Variants in UBE3C observed in about 807,000 individuals in gnomAD.
UBE3C encodes the protein ubiquitin protein ligase E3C.
Under a neutral mutation model 129.4 loss-of-function variants are expected in UBE3C, and 42 were observed. That is an observed-to-expected ratio of 0.32 (90% CI 0.25 to 0.42). The LOEUF (loss-of-function observed/expected upper bound fraction) is 0.42. Among genes scored for constraint, UBE3C ranks in the 10% least tolerant of loss-of-function variants. UBE3C has a pLI of 1.00. For synonymous variants in UBE3C, 510 were observed against 492.4 expected (o/e 1.04, Z -0.47); for missense variants, 1,049 against 1,319.1 (o/e 0.80, Z 3.17).
rs377535996 is a variant in UBE3C at position 157,244,726 on chromosome 7, A to C, written c.2482-3642A>C. On this transcript the variant is annotated intron_variant, in intron 18 of 22. Transcript: ENST00000348165. ...AATTGCGTCGCGACTGCACTCACTTATATTAAAAGGCTTCTACTATAATTA... is the reference window on the plus strand; with the variant it reads ...AATTGCGTCGCGACTGCACTCACTTCTATTAAAAGGCTTCTACTATAATTA... Among the ~76,000 whole-genome samples the C allele has an allele frequency of 4.2e-4, 64 of 152,356 alleles. No homozygotes were observed. The South Asian group carries it at 0.013, about 31-fold the overall frequency.
intron 4 of UBE3C, among the ~76,000 whole-genome samples, chr7:157,173,559 A>G (rs771784208): frequency 6.6e-6 from 1 of 152,214 alleles, no homozygotes; most frequent in Non-Finnish European, 1.5e-5. Context: ...TCCTTTTTAA[A>G]AAATTTTTCT....
At chr7:157,209,665 A>G (rs1435858400) in intron 13 of UBE3C, among the ~76,000 whole-genome samples, 1 of 152,206 alleles carries the variant, frequency 6.6e-6, no homozygotes, top group Non-Finnish European at 1.5e-5. Context: ...GTATGATATC[A>G]GATAATTTCA....
chr7:157,239,844 G>A lies in UBE3C; in HGVS notation c.2481+8517G>A, dbSNP rs539479417. On this transcript the variant is annotated intron_variant, in intron 18 of 22. Transcript: ENST00000348165. Reference sequence around the variant, plus strand: ...GCTGCGTGTCCAAGAAGAGGTAGAGGAACACTGGGTGCAGCTGCATGAGCT... The same window carrying A: ...GCTGCGTGTCCAAGAAGAGGTAGAGAAACACTGGGTGCAGCTGCATGAGCT... Among the ~76,000 whole-genome samples the A allele has an allele frequency of 2.0e-5, 3 of 152,296 alleles. No homozygotes were observed. In the South Asian group the frequency reaches 6.2e-4, roughly 32 times the overall value.
At chr7:157,199,443 C>A (rs1363102715) in intron 10 of UBE3C, among the ~76,000 whole-genome samples, 1 of 151,720 alleles carries the variant, frequency 6.6e-6, no homozygotes, top group Non-Finnish European at 1.5e-5. Context: ...TAGTCTTTTT[C>A]AGAGTGAATT....
Position 157,174,935 on chromosome 7 carries a change from A to C in UBE3C, c.359A>C (p.Asn120Thr). 1 of 1,610,908 alleles carries C rather than the reference A, an allele frequency of 6.2e-7. No individual in the cohort carries two copies. Among genetic ancestry groups the C allele is most frequent in the Non-Finnish European group, 8.5e-7 (1 of 1,178,724 alleles). The change falls in exon 5 of 23, where the codon AAC becomes ACC. Residue 120 changes from asparagine to threonine, a missense_variant. Around this residue, in one of 4 missense-constraint regions of UBE3C, gnomAD observed 489 missense variants for 513.8 expected, o/e 0.95. Coordinates refer to ENST00000348165, the MANE Select transcript of UBE3C (RefSeq NM_014671.3). ...DSKRLIWLYQ[N>T]LIKHSSLFVK... Reference sequence around the variant, plus strand: ...CTGTTTCAGATATGGCTGTATCAGAACTTAATTAAACACAGCTCTCTGTTT... The same window carrying C: ...CTGTTTCAGATATGGCTGTATCAGACCTTAATTAAACACAGCTCTCTGTTT...
rs376400198 is a variant in UBE3C at position 157,159,757 on chromosome 7, A to C, written c.67-4053A>C. On this transcript the variant is annotated intron_variant, in intron 1 of 22. Coordinates refer to ENST00000348165, the MANE Select transcript of UBE3C (RefSeq NM_014671.3). ...TGGCACATGGTAATCCCGGCGGCGG[A>C]GGTTGCAGTGAGCCAAGATAGCCCC... Among the ~76,000 whole-genome samples, 267 of 152,284 alleles carry C rather than the reference A, an allele frequency of 1.8e-3. 5 individuals are homozygous for C. The East Asian group carries it at 0.047, about 27-fold the overall frequency.
At chr7:157,158,042 C>A (rs79730306) in intron 1 of UBE3C, among the ~76,000 whole-genome samples, 9 of 133,482 alleles carry the variant, frequency 6.7e-5, no homozygotes, top group East Asian at 2.2e-4. Flanking sequence ...TCTGTACACT[C>A]TTTTTTCCTT....
intron 9 of UBE3C, among the ~76,000 whole-genome samples, chr7:157,186,195 A>G (rs2116936449): frequency 6.6e-6 from 1 of 152,226 alleles, no homozygotes; most frequent in Middle Eastern, 3.4e-3. Flanking sequence ...AGGCTGAGGC[A>G]GCTGGATCAT....
intron 1 of UBE3C, among the ~76,000 whole-genome samples, chr7:157,149,142 C>T (rs1174280741): frequency 1.3e-5 from 2 of 152,084 alleles, no homozygotes; most frequent in African/African-American, 2.4e-5. Flanking sequence ...CTGCAACCTC[C>T]GCCTGCCAGG....
intron 13 of UBE3C, among the ~76,000 whole-genome samples, chr7:157,212,127 T>A (rs1809612262): frequency 6.6e-6 from 1 of 152,228 alleles, no homozygotes; most frequent in African/African-American, 2.4e-5. Flanking sequence ...ACCTGGAAAT[T>A]GTATGCTAAG....
chr7:157,164,203 A>G (rs556307005), intron 2 of UBE3C, among the ~76,000 whole-genome samples: 6 of 151,964 alleles, frequency 3.9e-5, no homozygotes, highest in African/African-American at 1.4e-4. Flanking sequence ...TCTGTGACCC[A>G]GGCTGGAGTG....
chr7:157,184,961 A>G lies in UBE3C; in HGVS notation c.1143+932A>G, dbSNP rs144924708. Among the ~76,000 whole-genome samples the G allele has an allele frequency of 3.7e-3, 558 of 152,338 alleles. 3 individuals are homozygous for G. Among genetic ancestry groups the G allele is most frequent in the Middle Eastern group, 6.8e-3 (2 of 292 alleles). On this transcript the variant is annotated intron_variant, in intron 9 of 22. Transcript: ENST00000348165. ...GAGTGAAGCCGTTTTTATAGTGGAC[A>G]GTGGATGCTGGAACTGTTGCATCTG... is the stretch of plus-strand genomic sequence containing the variant.
At chr7:157,158,287 G>A (rs1377731751) in intron 1 of UBE3C, among the ~76,000 whole-genome samples, 2 of 152,056 alleles carry the variant, frequency 1.3e-5, no homozygotes, top group African/African-American at 2.4e-5. Context: ...TGGACTGGCC[G>A]AGAGAGGGAA....
At chr7:157,220,812 A>G in intron 15 of UBE3C, 36 bp downstream of exon 15, 1 of 1,605,764 alleles carries the variant, frequency 6.2e-7, no homozygotes, top group Non-Finnish European at 8.5e-7. Flanking sequence ...CTGAGGTATG[A>G]ATTACATGCT....
intron 1 of UBE3C, among the ~76,000 whole-genome samples, chr7:157,155,366 T>G (rs1807873398): frequency 6.6e-6 from 1 of 152,178 alleles, no homozygotes; most frequent in African/African-American, 2.4e-5. Context: ...TCTGTGTAAA[T>G]GGAGTAAATT....
chr7:157,211,191 A>AGAGAGAGAGAGAGAGAGAGAGAGC (rs1481725592), intron 13 of UBE3C, among the ~76,000 whole-genome samples: 18 of 151,702 alleles, frequency 1.2e-4, no homozygotes, highest in African/African-American at 3.6e-4. Flanking sequence ...AGAGAGAGAG[A>AGAGAGAGAGAGAGAGAGAGAGAGC]GAGCCATACT....
At chr7:157,198,409 A>G in intron 10 of UBE3C, 1 of 666,296 alleles carries the variant, frequency 1.5e-6, no homozygotes, top group South Asian at 1.6e-5. Flanking sequence ...GTTTCTTTGC[A>G]GGTTCTTCAC....
intron 22 of UBE3C, among the ~76,000 whole-genome samples, chr7:157,260,731 C>T (rs1796880601): frequency 6.6e-6 from 1 of 152,082 alleles, no homozygotes; most frequent in Non-Finnish European, 1.5e-5. Flanking sequence ...GGACCTGCTC[C>T]CATCAAAACA....
intron 1 of UBE3C, among the ~76,000 whole-genome samples, chr7:157,140,224 C>G (rs1374385342): frequency 7.6e-6 from 1 of 131,594 alleles, no homozygotes; most frequent in Non-Finnish European, 1.6e-5. Flanking sequence ...CCTAGTTTTT[C>G]TTGTCTATCA....
Sources: gnomAD v4.1 joint callset for allele counts (sites outside exome capture counted in the v4.1 genomes callset) on GRCh38, gnomAD v4.1.1 for gene constraint, gnomAD v4.1.1 regional missense constraint, MANE v1.5 for transcripts, NCBI Gene and HGNC (gene_info 2026-07-23, HGNC 2026-07-21) for gene names.